IL1RAPL1: variants seen among roughly 807,000 people sequenced by gnomAD.
IL1RAPL1 encodes interleukin 1 receptor accessory protein like 1, also known as interleukin-1 receptor accessory protein-like 1.
Under a neutral mutation model 48.4 loss-of-function variants are expected in IL1RAPL1, and 3 were observed. The ratio of observed to expected loss-of-function variants is 0.06; its 90% CI spans 0.03 to 0.16. The LOEUF (loss-of-function observed/expected upper bound fraction) is 0.16, where lower values mean the gene tolerates loss of function less well. IL1RAPL1 is among the 10% of genes least tolerant of loss of function. The pLI, the probability that IL1RAPL1 is intolerant of heterozygous loss-of-function variation, is 1.00. For missense variants in IL1RAPL1, 349 were observed against 530.6 expected (o/e 0.66, Z 3.36); for synonymous variants, 185 against 187.7 (o/e 0.99, Z 0.12).
chrX:28,807,123 C>T (rs1160824244), intron 2 of IL1RAPL1, among the ~76,000 whole-genome samples: 1 of 111,172 alleles, frequency 9.0e-6, no homozygotes, highest in Non-Finnish European at 1.9e-5. Context: ...GTTTTGTCCA[C>T]ACTTCCTTTC....
At chrX:28,782,929 T>G (rs1936438509) in intron 1 of IL1RAPL1, among the ~76,000 whole-genome samples, 1 of 112,043 alleles carries the variant, frequency 8.9e-6, no homozygotes, top group South Asian at 3.6e-4. Flanking sequence ...ATTGCTCTTT[T>G]TTTTCTTAAT....
chrX:28,836,377 A>C (rs1261788110), intron 2 of IL1RAPL1, among the ~76,000 whole-genome samples: 17 of 94,405 alleles, frequency 1.8e-4, no homozygotes, highest in African/African-American at 8.3e-4. Flanking sequence ...AGAGAGAGAG[A>C]GAGAGAGAGA....
At chrX:28,689,792 G>A (rs927308671) in intron 1 of IL1RAPL1, among the ~76,000 whole-genome samples, 1 of 111,224 alleles carries the variant, frequency 9.0e-6, no homozygotes, top group South Asian at 3.8e-4. Context: ...GAATACTCAC[G>A]ACTTACCCTG....
At chrX:29,293,790 C>T (rs982108552) in intron 3 of IL1RAPL1, among the ~76,000 whole-genome samples, 1 of 111,184 alleles carries the variant, frequency 9.0e-6, no homozygotes, top group East Asian at 2.8e-4. Flanking sequence ...CAGGGTTATA[C>T]TGTGATTATT....
intron 2 of IL1RAPL1, among the ~76,000 whole-genome samples, chrX:28,818,328 A>G (rs923432055): frequency 3.6e-5 from 4 of 110,697 alleles, no homozygotes; most frequent in Non-Finnish European, 7.6e-5. Flanking sequence ...GATTTTAGAG[A>G]TGAAATGGTA....
intron 2 of IL1RAPL1, among the ~76,000 whole-genome samples, chrX:28,952,042 C>G (rs1285403210): frequency 9.0e-6 from 1 of 110,581 alleles, no homozygotes; most frequent in African/African-American, 3.3e-5. Context: ...TTTAGAAATT[C>G]AGTTATGTCC....
intron 6 of IL1RAPL1, among the ~76,000 whole-genome samples, chrX:29,786,338 A>T (rs1381841533): frequency 9.0e-6 from 1 of 111,303 alleles, no homozygotes; most frequent in Non-Finnish European, 1.9e-5. Flanking sequence ...GCACAGATCC[A>T]TTTTTAGAGA....
chrX:29,653,907 T>TATTTATTG (rs1925593372), intron 5 of IL1RAPL1, among the ~76,000 whole-genome samples: 1 of 83,331 alleles, frequency 1.2e-5, no homozygotes, highest in African/African-American at 4.9e-5. Context: ...GGCTCTTATT[T>TATTTATTG]ATTTATTTAT....
At chrX:29,474,827 A>G (rs1389946931) in intron 5 of IL1RAPL1, among the ~76,000 whole-genome samples, 1 of 111,679 alleles carries the variant, frequency 9.0e-6, no homozygotes, top group African/African-American at 3.3e-5. Context: ...TTACATTTCA[A>G]CATGAGGTTT....
intron 5 of IL1RAPL1, among the ~76,000 whole-genome samples, chrX:29,643,075 G>A (rs1305882395): frequency 8.9e-6 from 1 of 112,328 alleles, no homozygotes; most frequent in Non-Finnish European, 1.9e-5. Flanking sequence ...GGCATCAAAG[G>A]AAACCTCATT....
chrX:29,013,536 T>C (rs762586218), intron 2 of IL1RAPL1, among the ~76,000 whole-genome samples: 9 of 111,948 alleles, frequency 8.0e-5, no homozygotes, highest in Non-Finnish European at 1.5e-4. Context: ...TATGCAGCCA[T>C]GAAAAGGAAT....
At chrX:29,650,871 A>G (rs1925496310) in intron 5 of IL1RAPL1, among the ~76,000 whole-genome samples, 1 of 111,391 alleles carries the variant, frequency 9.0e-6, no homozygotes, top group Admixed American at 9.6e-5. Flanking sequence ...TTTGCAAACT[A>G]TACATCTGAT....
intron 3 of IL1RAPL1, among the ~76,000 whole-genome samples, chrX:29,339,750 T>A (rs779605983): frequency 8.9e-6 from 1 of 112,224 alleles, no homozygotes; most frequent in African/African-American, 3.2e-5. Context: ...AACATTCTTC[T>A]TCTGTTCCAG....
chrX:28,688,214 CAG>C (rs1935135765), intron 1 of IL1RAPL1, among the ~76,000 whole-genome samples: 3 of 104,475 alleles, frequency 2.9e-5, no homozygotes, highest in African/African-American at 1.1e-4. Flanking sequence ...TTTTTTGAGA[CAG>C]GGTCTCACTC....
intron 5 of IL1RAPL1, among the ~76,000 whole-genome samples, chrX:29,589,874 G>T (rs1923310358): frequency 9.0e-6 from 1 of 110,993 alleles, no homozygotes; most frequent in South Asian, 3.9e-4. Flanking sequence ...GAGGCATGGT[G>T]CTGGCATCTG....
At chrX:29,234,984 T>C (rs1030551979) in intron 2 of IL1RAPL1, among the ~76,000 whole-genome samples, 1 of 112,251 alleles carries the variant, frequency 8.9e-6, no homozygotes, top group African/African-American at 3.2e-5. Context: ...GGCACCCTTG[T>C]GTTTCCTGCC....
At chrX:29,398,226 A>G (rs1276683471) in intron 4 of IL1RAPL1, among the ~76,000 whole-genome samples, 1 of 112,284 alleles carries the variant, frequency 8.9e-6, no homozygotes, top group Non-Finnish European at 1.9e-5. Flanking sequence ...TATACAGTGT[A>G]TATTTTGGTC....
intron 2 of IL1RAPL1, among the ~76,000 whole-genome samples, chrX:29,072,501 G>A (rs1211902638): frequency 9.0e-6 from 1 of 111,506 alleles, no homozygotes; most frequent in African/African-American, 3.3e-5. Flanking sequence ...TTTGAAGATT[G>A]TTTTGTTTCT....
chrX:28,793,101 T>A (rs1482501214), intron 2 of IL1RAPL1, among the ~76,000 whole-genome samples: 1 of 107,170 alleles, frequency 9.3e-6, no homozygotes, highest in East Asian at 2.9e-4. Context: ...TCATACCTAT[T>A]TTTTTTAGTT....
Sources: gnomAD v4.1 joint callset for allele counts (sites outside exome capture counted in the v4.1 genomes callset) on GRCh38, gnomAD v4.1.1 for gene constraint, MANE v1.5 for transcripts, NCBI Gene and HGNC (gene_info 2026-07-23, HGNC 2026-07-21) for gene names.